CFAP91: variants seen among roughly 807,000 people sequenced by gnomAD.
CFAP91 encodes the protein cilia and flagella associated protein 91, also known as cilia- and flagella-associated protein 91.
In CFAP91, 85 loss-of-function variants were observed where a neutral mutation model predicts 95.9. The observed-to-expected ratio is 0.89, with a 90% CI of 0.74 to 1.06. CFAP91 has a LOEUF of 1.06. Ranked by LOEUF, CFAP91 falls within the 50% of genes least tolerant of loss-of-function variation. The pLI is 0.00. For missense variants in CFAP91, 962 were observed against 943.4 expected, an observed-to-expected ratio of 1.02 and a Z score of -0.26; for synonymous variants, 335 against 327.5, an observed-to-expected ratio of 1.02 and a Z score of -0.25.
At chr3:119,713,292 T>G (rs1314590245) in intron 5 of CFAP91, 1 of 151,762 alleles carries the variant, frequency 6.6e-6, no homozygotes, top group Non-Finnish European at 1.5e-5. Context: ...GCTAATTTTT[T>G]GTATCTTTAG....
intron 1 of CFAP91, among the ~76,000 whole-genome samples, chr3:119,703,878 C>T (rs1378061944): frequency 3.9e-5 from 6 of 152,132 alleles, no homozygotes; most frequent in Non-Finnish European, 8.8e-5. Flanking sequence ...ATATACTAGG[C>T]GCTTCAATAA....
rs922404350 is a variant in CFAP91, at chr3:119,750,562, G to A, written c.2144-375G>A. 6.0e-5 allele frequency: 13 copies of A among 218,450 alleles called. 1 individual carries two copies. The East Asian group carries it at 7.7e-4, about 13-fold the overall frequency. 13.5% of individuals were successfully genotyped at this position (218,450 alleles called of 1,614,324 possible). A position where few individuals can be genotyped will look rare whatever the true frequency, so the allele number is the denominator to read the frequency against. The stretch of plus-strand genomic sequence containing the variant: ...GTTACTTACACTCTAGATATCAAAC[G>A]AAATGTAACTCACATGAAGTGCTTC... On this transcript the variant is annotated intron_variant, in intron 16 of 17. Transcript: ENST00000273390.
At chr3:119,763,956 A>C (rs1358834314) in intron 17 of CFAP91, among the ~76,000 whole-genome samples, 1 of 152,096 alleles carries the variant, frequency 6.6e-6, no homozygotes, top group Non-Finnish European at 1.5e-5. Context: ...ATATTTTGAA[A>C]ATAGCAAAGA....
intron 4 of CFAP91, among the ~76,000 whole-genome samples, chr3:119,709,141 C>T (rs2053429268): frequency 6.6e-6 from 1 of 152,070 alleles, no homozygotes; most frequent in Non-Finnish European, 1.5e-5. Flanking sequence ...CCAAAAGGTT[C>T]ATTTTATTTC....
At chr3:119,715,848 T>C (rs1280627249) in intron 6 of CFAP91, 105 bp downstream of exon 6, 3 of 1,018,940 alleles carry the variant, frequency 2.9e-6, no homozygotes, top group Non-Finnish European at 4.6e-6. Flanking sequence ...AGTGTTGCTA[T>C]ATAAAGTGTC....
chr3:119,748,150 A>T (rs1350258967), intron 16 of CFAP91, among the ~76,000 whole-genome samples: 1 of 152,206 alleles, frequency 6.6e-6, no homozygotes, highest in Non-Finnish European at 1.5e-5. Flanking sequence ...GTTTAAAAGG[A>T]TGTTCCCAAG....
chr3:119,703,317 A>AT (rs1434499118), intron 1 of CFAP91, 95 bp downstream of exon 1: 1 of 1,546,202 alleles, frequency 6.5e-7, no homozygotes, highest in Non-Finnish European at 8.8e-7. Context: ...TGGCGAACGA[A>AT]ACACGACCCT....
chr3:119,730,498 G>A (rs1488749332), intron 8 of CFAP91, 121 bp downstream of exon 8: 1 of 952,028 alleles, frequency 1.1e-6, no homozygotes, highest in Middle Eastern at 3.3e-4. Context: ...CATAGGTAAG[G>A]GCTAAGAGAT....
intron 16 of CFAP91, 123 bp from the exon 17 acceptor site, chr3:119,750,814 T>C (rs1164067911): frequency 4.9e-6 from 5 of 1,015,976 alleles, no homozygotes; most frequent in Non-Finnish European, 7.5e-6. Flanking sequence ...AGAAAGAAAT[T>C]AGATTTGGGT....
At chr3:119,709,578 T>C (rs4444744) in intron 4 of CFAP91, among the ~76,000 whole-genome samples, 12 of 151,986 alleles carry the variant, frequency 7.9e-5, no homozygotes, top group African/African-American at 2.7e-4. Flanking sequence ...GAGAAAATAC[T>C]GGAGTGTTTA....
At chr3:119,721,457 G>A (rs77580942) in intron 6 of CFAP91, among the ~76,000 whole-genome samples, 2,362 of 152,288 alleles carry the variant, frequency 0.016, 43 homozygotes, top group African/African-American at 0.04. Context: ...ATTTAACAAC[G>A]TAGAGGAGAT....
rs752671448 is a variant in CFAP91 at position 119,740,718 on chromosome 3, G to C, written c.1680+23G>C. The C allele has an allele frequency of 2.2e-5, 35 of 1,604,166 alleles. No homozygotes were observed. In the East Asian group the frequency reaches 7.9e-4, roughly 36 times the overall value. ...AAGGTTTTCCTTTTTTTGTTTTCTT[G>C]TTACTTTCTTGTTAAATTTTCTCCC... is the stretch of plus-strand genomic sequence containing the variant. On this transcript the variant is annotated intron_variant, in intron 13 of 17. Transcript: ENST00000273390.
chr3:119,744,261 TCATGACATAAAATGG>T, intron 14 of CFAP91, 65 bp downstream of exon 14: 1 of 1,314,298 alleles, frequency 7.6e-7, no homozygotes, highest in Non-Finnish European at 1.0e-6. Flanking sequence ...CAAAGGAAGC[TCATGACATAAAATGG>T]CATTTGGCTT....
rs1036590923 is a variant in CFAP91, at chr3:119,740,733, A to T, written c.1680+38A>T. On this transcript the variant is annotated intron_variant, in intron 13 of 17. Coordinates refer to ENST00000273390, the MANE Select transcript of CFAP91 (RefSeq NM_033364.4). The stretch of plus-strand genomic sequence containing the variant: ...TTGTTTTCTTGTTACTTTCTTGTTA[A>T]ATTTTCTCCCTTGATTTTATCATCA... The T allele has an allele frequency of 3.8e-6, 6 of 1,588,234 alleles. No individual in the cohort carries two copies. In the African/African-American group the frequency reaches 8.1e-5, roughly 21 times the overall value.
Position 119,726,483 on chromosome 3 carries a change from TC to T in CFAP91, c.860+137del, listed in dbSNP as rs902028324. The T allele has an allele frequency of 1.8e-4, 141 of 788,712 alleles. No homozygotes were observed. The African/African-American group carries it at 2.2e-3, about 13-fold the overall frequency. 48.9% of individuals were successfully genotyped at this position (788,712 alleles called of 1,614,324 possible). Reference sequence around the variant, plus strand: ...ACCTATAGAGATAGGAAATTGGGCATCCGGTTCTTTCAGGAGCAGTCACATG... The same window carrying T: ...ACCTATAGAGATAGGAAATTGGGCATCGGTTCTTTCAGGAGCAGTCACATG... On this transcript the variant is annotated intron_variant, in intron 7 of 17. Transcript: ENST00000273390.
At chr3:119,750,035 G>C (rs536562506) in intron 16 of CFAP91, among the ~76,000 whole-genome samples, 57 of 152,136 alleles carry the variant, frequency 3.7e-4, no homozygotes, top group African/African-American at 1.3e-3. Context: ...TTGCAAATTT[G>C]AACCATGGTC....
At chr3:119,707,674 A>G (rs1452876605) in intron 3 of CFAP91, 113 bp downstream of exon 3, 2 of 917,056 alleles carry the variant, frequency 2.2e-6, no homozygotes, top group Non-Finnish European at 2.9e-6. Context: ...ACCTAGGCCA[A>G]ATTTTCTTTC....
At position 119,728,013 on chromosome 3, in the gene CFAP91, A is replaced by G. The variant is rs187774893; in HGVS notation, c.860+1665A>G. Among the ~76,000 whole-genome samples the G allele has an allele frequency of 2.0e-5, 3 of 150,482 alleles. No individual in the cohort carries two copies. In the East Asian group the frequency reaches 5.8e-4, roughly 29 times the overall value. ...TCAATAATATCAGATTGATGATGAT[A>G]ATGATGATGATGATGATGATGATGA... is the stretch of plus-strand genomic sequence containing the variant. On this transcript the variant is annotated intron_variant, in intron 7 of 17. Transcript: ENST00000273390.
At chr3:119,715,797 A>G (rs1559749637) in intron 6 of CFAP91, 54 bp downstream of exon 6, 1 of 1,527,774 alleles carries the variant, frequency 6.5e-7, no homozygotes, top group Non-Finnish European at 9.1e-7. Flanking sequence ...ATAACCACGC[A>G]TGCTGTTCAA....
Sources: allele counts gnomAD v4.1 joint callset (sites outside exome capture counted in the v4.1 genomes callset), GRCh38; gene constraint gnomAD v4.1.1; transcripts MANE v1.5; gene names NCBI Gene and HGNC (gene_info 2026-07-23, HGNC 2026-07-21).